Variants in TENT4A observed in about 807,000 individuals in gnomAD.
TENT4A encodes terminal nucleotidyltransferase 4A, also known as DNA polymerase kappa.
In TENT4A, 7 loss-of-function variants were observed where a neutral mutation model predicts 72.8. The observed-to-expected ratio is 0.10, with a 90% CI of 0.05 to 0.18. The LOEUF (loss-of-function observed/expected upper bound fraction) is 0.18. Among genes scored for constraint, TENT4A ranks in the 10% least tolerant of loss-of-function variants. TENT4A has a pLI of 1.00. For synonymous variants in TENT4A, 456 were observed against 434.3 expected (o/e 1.05, Z -0.62); for missense variants, 831 against 1,017.7 (o/e 0.82, Z 2.50).
chr5:6,720,193 A>T (rs558418775), intron 1 of TENT4A, among the ~76,000 whole-genome samples: 1 of 152,296 alleles, frequency 6.6e-6, no homozygotes, highest in East Asian at 1.9e-4. Flanking sequence ...TTATTGAGTC[A>T]GGCTCCTGCA....
At chr5:6,716,383 C>A (rs886518658) in intron 1 of TENT4A, among the ~76,000 whole-genome samples, 1 of 152,168 alleles carries the variant, frequency 6.6e-6, no homozygotes, top group Non-Finnish European at 1.5e-5. Context: ...TCCCCTCTCA[C>A]GCTCTTCGTC....
At chr5:6,749,894 G>A (rs535606638) in intron 9 of TENT4A, among the ~76,000 whole-genome samples, 67 of 152,244 alleles carry the variant, frequency 4.4e-4, no homozygotes, top group Non-Finnish European at 7.1e-4. Context: ...AAAGAAACAG[G>A]TGAAATAATT....
chr5:6,715,002 C>G (rs538937730), intron 1 of TENT4A: 30 of 187,974 alleles, frequency 1.6e-4, no homozygotes, highest in African/African-American at 6.7e-4. Flanking sequence ...CCCCTCCACC[C>G]CGCCTCCGGG....
At chr5:6,719,466 A>G (rs1283064854) in intron 1 of TENT4A, among the ~76,000 whole-genome samples, 1 of 152,224 alleles carries the variant, frequency 6.6e-6, no homozygotes, top group Non-Finnish European at 1.5e-5. Flanking sequence ...GAGTCAGACC[A>G]CCCAGACTTG....
At chr5:6,746,829 G>A (rs1237382401) in intron 7 of TENT4A, among the ~76,000 whole-genome samples, 2 of 152,046 alleles carry the variant, frequency 1.3e-5, no homozygotes, top group Non-Finnish European at 2.9e-5. Context: ...TTGTTATCTT[G>A]TTGAACACAT....
chr5:6,723,385 G>A (rs114994462), intron 1 of TENT4A, among the ~76,000 whole-genome samples: 1,275 of 104,460 alleles, frequency 0.012, 10 homozygotes, highest in African/African-American at 0.041. Flanking sequence ...CTGGTCACGA[G>A]CACCATTGTG....
At chr5:6,744,616 G>GCA in intron 6 of TENT4A, among the ~76,000 whole-genome samples, 1 of 152,180 alleles carries the variant, frequency 6.6e-6, no homozygotes, top group Non-Finnish European at 1.5e-5. Context: ...TGCTATGATA[G>GCA]TAGAATCACT....
intron 1 of TENT4A, among the ~76,000 whole-genome samples, chr5:6,734,221 C>T (rs1476972091): frequency 3.9e-5 from 6 of 152,208 alleles, no homozygotes; most frequent in African/African-American, 9.6e-5. Context: ...CACGGCTGGG[C>T]GGTGCCCTCA....
At chr5:6,744,602 T>C (rs1360938435) in intron 6 of TENT4A, among the ~76,000 whole-genome samples, 3 of 152,246 alleles carry the variant, frequency 2.0e-5, no homozygotes, top group South Asian at 4.1e-4. Flanking sequence ...CTCACTGTCA[T>C]GAATGCTATG....
intron 2 of TENT4A, among the ~76,000 whole-genome samples, 176 bp downstream of exon 2, chr5:6,737,809 G>A (rs983601862): frequency 3.9e-5 from 6 of 152,130 alleles, no homozygotes; most frequent in Admixed American, 1.3e-4. Context: ...GGCCCCCGGC[G>A]CACCTGCACC....
chr5:6,717,687 G>A (rs771693893), intron 1 of TENT4A, among the ~76,000 whole-genome samples: 3 of 152,208 alleles, frequency 2.0e-5, no homozygotes, highest in Non-Finnish European at 2.9e-5. Flanking sequence ...TGTGCTTAGC[G>A]TGAGCTGTGC....
chr5:6,718,015 C>G (rs895539218), intron 1 of TENT4A, among the ~76,000 whole-genome samples: 1 of 152,246 alleles, frequency 6.6e-6, no homozygotes, highest in African/African-American at 2.4e-5. Context: ...TGAACAGCTT[C>G]TATTCAGAGT....
chr5:6,734,214 G>A (rs538298618), intron 1 of TENT4A, among the ~76,000 whole-genome samples: 5 of 152,340 alleles, frequency 3.3e-5, no homozygotes, highest in South Asian at 4.1e-4. Flanking sequence ...GGGTGGGCAC[G>A]GCTGGGCGGT....
intron 1 of TENT4A, among the ~76,000 whole-genome samples, chr5:6,735,534 AG>A (rs770065727): frequency 6.6e-6 from 1 of 152,134 alleles, no homozygotes; most frequent in Non-Finnish European, 1.5e-5. Context: ...TACATTACTA[AG>A]TGGTAGGAAA....
intron 1 of TENT4A, among the ~76,000 whole-genome samples, chr5:6,730,755 T>TAAAAAA (rs5865676): frequency 2.3e-5 from 3 of 130,044 alleles, no homozygotes; most frequent in African/African-American, 2.9e-5. Flanking sequence ...AGCCTTAATT[T>TAAAAAA]AAAAAAAAAA....
At chr5:6,751,233 C>T (rs1267596124) in intron 11 of TENT4A, 36 bp downstream of exon 11, 3 of 1,610,168 alleles carry the variant, frequency 1.9e-6, no homozygotes, top group Non-Finnish European at 2.5e-6. Flanking sequence ...CGCTGGTGGC[C>T]CCTGGGAACA....
chr5:6,717,203 C>T (rs1740431533), intron 1 of TENT4A, among the ~76,000 whole-genome samples: 1 of 152,222 alleles, frequency 6.6e-6, no homozygotes, highest in African/African-American at 2.4e-5. Context: ...TTGAGAAAGG[C>T]CACCAAAAAG....
At chr5:6,714,826 C>T (rs1414831615) in intron 1 of TENT4A, 127 bp downstream of exon 1, 23 of 405,454 alleles carry the variant, frequency 5.7e-5, no homozygotes, top group Non-Finnish European at 9.0e-5. Context: ...AAGGCCAAGG[C>T]CCGACTCTGC....
At position 6,714,264 on chromosome 5, in the gene TENT4A, C is replaced by T; in HGVS notation, c.281C>T (p.Pro94Leu). The change falls in exon 1 of 13, where the codon CCC (proline) becomes CTC (leucine). Residue 94 changes from proline (P) to leucine (L), a missense_variant. Pro to Leu is a moderately conservative substitution (Grantham distance 98). Transcript: ENST00000230859. Reference sequence around the variant, plus strand: ...CCCGCGCTGCTGACGGCGCTGGGGCCCGCGGCCGAGGGCGCGCGGCGCTTG... The same window carrying T: ...CCCGCGCTGCTGACGGCGCTGGGGCTCGCGGCCGAGGGCGCGCGGCGCTTG... ...LPPALLTALG[P>L]AAEGARRLHK... 9.5e-7 allele frequency: 1 copy of T among 1,051,382 alleles called. No homozygotes were observed. The highest frequency in any genetic ancestry group is 1.1e-6 in the Non-Finnish European group (1 of 875,098). The allele number at this position is 1,051,382 out of a possible 1,614,324, so 65.1% of individuals were successfully genotyped here.
Sources: gnomAD v4.1 joint callset for allele counts (sites outside exome capture counted in the v4.1 genomes callset) on GRCh38, gnomAD v4.1.1 for gene constraint, MANE v1.5 for transcripts, NCBI Gene and HGNC (gene_info 2026-07-23, HGNC 2026-07-21) for gene names.